TRIM55: variants seen among roughly 807,000 people sequenced by gnomAD.
The protein encoded by TRIM55 is tripartite motif-containing protein 55.
A neutral mutation model predicts 60.9 loss-of-function variants in TRIM55; 50 were observed. The ratio of observed to expected loss-of-function variants is 0.82; its 90% confidence interval spans 0.65 to 1.04. TRIM55 has a LOEUF of 1.04. Ranked by LOEUF, TRIM55 falls within the 50% of genes least tolerant of loss-of-function variation. The pLI is 0.00. For missense variants in TRIM55, 681 were observed against 666.9 expected (o/e 1.02, Z -0.23); for synonymous variants, 237 against 238.1 (o/e 1.00, Z 0.04).
At chr8:66,165,768 G>A (rs1169784003) in intron 9 of TRIM55, among the ~76,000 whole-genome samples, 3 of 152,100 alleles carry the variant, frequency 2.0e-5, no homozygotes, top group Non-Finnish European at 4.4e-5. Context: ...ATATTGTCCG[G>A]GGCCTAATAA....
chr8:66,140,453 A>T (rs1054640178), intron 4 of TRIM55, among the ~76,000 whole-genome samples: 11 of 152,258 alleles, frequency 7.2e-5, no homozygotes, highest in African/African-American at 2.7e-4. Flanking sequence ...TAGGTGGCTC[A>T]TCTGGAGATG....
rs1236836221 is a variant in TRIM55, at chr8:66,150,247, CTTTTTATT to C, written c.860+11_860+18del. On this transcript the variant is annotated intron_variant, in intron 6 of 9. Coordinates refer to ENST00000315962, the MANE Select transcript of TRIM55 (RefSeq NM_184085.2). ...CAAAACCCTGCTAAAAAAGTAAGAA[CTTTTTATT>C]TTATGTAAAAATGCATATTTTCACC... The C allele has an allele frequency of 1.9e-6, 3 of 1,612,796 alleles. No individual in the cohort carries two copies. The African/African-American group carries it at 4.0e-5, about 22-fold the overall frequency.
intron 4 of TRIM55, among the ~76,000 whole-genome samples, chr8:66,147,060 A>C (rs1382744158): frequency 1.3e-5 from 2 of 152,220 alleles, no homozygotes; most frequent in Non-Finnish European, 2.9e-5. Flanking sequence ...AGATTCCATA[A>C]ATGCTTCTAA....
intron 9 of TRIM55, among the ~76,000 whole-genome samples, chr8:66,171,072 C>A (rs1228854404): frequency 6.6e-6 from 1 of 152,156 alleles, no homozygotes; most frequent in East Asian, 1.9e-4. Flanking sequence ...ACAAAATCAC[C>A]TAAGGATGCA....
the TRIM55 span, chr8:66,115,068 A>G: frequency 6.5e-6 from 1 of 153,782 alleles, no homozygotes; most frequent in Non-Finnish European, 1.4e-5. Context: ...CCCTATCCTA[A>G]TTTTCTAGAA....
At chr8:66,164,846 C>T (rs1444301066) in intron 9 of TRIM55, among the ~76,000 whole-genome samples, 2 of 151,080 alleles carry the variant, frequency 1.3e-5, no homozygotes, top group Admixed American at 6.6e-5. Context: ...AAAGGTGATC[C>T]CAGAGGAAAA....
At chr8:66,148,786 C>T (rs149615291) in intron 4 of TRIM55, among the ~76,000 whole-genome samples, 15 of 152,276 alleles carry the variant, frequency 9.9e-5, no homozygotes, top group African/African-American at 3.4e-4. Flanking sequence ...CGGTGGCTCA[C>T]GCCTGTAATC....
chr8:66,150,167 T>C, intron 5 of TRIM55, 50 bp from the exon 6 acceptor site: 1 of 1,594,262 alleles, frequency 6.3e-7, no homozygotes, highest in Non-Finnish European at 8.6e-7. Flanking sequence ...CTTACCACTG[T>C]CTTTTGTGGA....
intron 9 of TRIM55, among the ~76,000 whole-genome samples, chr8:66,163,488 T>C (rs905734554): frequency 6.6e-6 from 1 of 152,192 alleles, no homozygotes; most frequent in Non-Finnish European, 1.5e-5. Flanking sequence ...TTATTTAATT[T>C]AAAACATTTT....
intron 4 of TRIM55, among the ~76,000 whole-genome samples, chr8:66,142,059 G>T (rs937016367): frequency 6.6e-6 from 1 of 152,160 alleles, no homozygotes; most frequent in Admixed American, 6.5e-5. Context: ...CTGTCTCTCG[G>T]CTTCCTCAGC....
rs932305342 is a variant in TRIM55, at chr8:66,127,359, G to A, written c.91G>A (p.Glu31Lys). Residue 31 changes from glutamate (E) to lysine (K), a missense_variant, in exon 1 of 10, where the codon GAG (glutamate) becomes AAG (lysine). Glu to Lys is a moderately conservative substitution (Grantham distance 56, BLOSUM62 1). Coordinates refer to ENST00000315962, the MANE Select transcript of TRIM55 (RefSeq NM_184085.2). ...EKQLICPICL[E>K]MFTKPVVILP... ...GCAACTCATCTGTCCCATCTGCTTAGAGATGTTCACGAAACCTGTGGTGAT... is the reference window on the plus strand; with the variant it reads ...GCAACTCATCTGTCCCATCTGCTTAAAGATGTTCACGAAACCTGTGGTGAT... The A allele has an allele frequency of 6.2e-7, 1 of 1,614,076 alleles. No homozygotes were observed. The highest frequency in any genetic ancestry group is 2.2e-5 in the East Asian group (1 of 44,892).
At chr8:66,135,356 G>A (rs1468143224) in intron 3 of TRIM55, among the ~76,000 whole-genome samples, 1 of 152,220 alleles carries the variant, frequency 6.6e-6, no homozygotes, top group Admixed American at 6.5e-5. Context: ...TTCCCTGGAC[G>A]GTGGGGGACC....
chr8:66,174,355 T>G, intron 9 of TRIM55, 116 bp from the exon 10 acceptor site: 2 of 763,738 alleles, frequency 2.6e-6, no homozygotes, highest in South Asian at 4.9e-5. Flanking sequence ...ATAATATTGT[T>G]ATTATAATAA....
At chr8:66,117,655 A>G in the TRIM55 span, among the ~76,000 whole-genome samples, 1 of 149,650 alleles carries the variant, frequency 6.7e-6, no homozygotes, top group Admixed American at 6.6e-5. Context: ...ACTTGTGAGA[A>G]GTGGATTGCA....
the TRIM55 span, among the ~76,000 whole-genome samples, chr8:66,114,091 C>CCA: frequency 3.6e-5 from 5 of 137,756 alleles, 2 homozygotes; most frequent in East Asian, 1.3e-3. Context: ...CACCCCCCCC[C>CCA]CCATTATTTT....
In TRIM55 at chr8:66,127,133, C is replaced by A; in HGVS notation, c.-136C>A. 2.1e-6 allele frequency: 2 copies of A among 965,264 alleles called. No individual in the cohort carries two copies. Among genetic ancestry groups the A allele is most frequent in the Non-Finnish European group, 3.0e-6 (2 of 670,550 alleles). The allele number at this position is 965,264 out of a possible 1,614,324, so 59.8% of individuals were successfully genotyped here. A position where few individuals can be genotyped will look rare whatever the true frequency, so the allele number is the denominator to read the frequency against. ...CTCCAGCACCCACTCCAAACCAGGGCCTGAAACAATGTCCTCCACCGAGAG... is the reference window on the plus strand; with the variant it reads ...CTCCAGCACCCACTCCAAACCAGGGACTGAAACAATGTCCTCCACCGAGAG... On this transcript the variant is annotated 5_prime_UTR_variant, in exon 1 of 10. Coordinates refer to ENST00000315962, the MANE Select transcript of TRIM55 (RefSeq NM_184085.2).
intron 9 of TRIM55, among the ~76,000 whole-genome samples, chr8:66,167,757 T>C (rs969029860): frequency 1.3e-5 from 2 of 152,264 alleles, no homozygotes; most frequent in East Asian, 1.9e-4. Flanking sequence ...AAAATGCTTT[T>C]CTTTTTTTTT....
intron 4 of TRIM55, 119 bp from the exon 5 acceptor site, chr8:66,149,526 G>T: frequency 1.2e-6 from 1 of 805,534 alleles, no homozygotes; most frequent in Non-Finnish European, 2.0e-6. Flanking sequence ...GACATCTTCA[G>T]GGAAAAGAAA....
upstream of TRIM55, among the ~76,000 whole-genome samples, chr8:66,125,081 A>G: frequency 6.6e-6 from 1 of 152,240 alleles, no homozygotes; most frequent in Admixed American, 6.5e-5. Flanking sequence ...TTTGCCTCTT[A>G]TCTACCCACA....
Sources: allele counts gnomAD v4.1 joint callset (sites outside exome capture counted in the v4.1 genomes callset), GRCh38; gene constraint gnomAD v4.1.1; transcripts MANE v1.5; gene names NCBI Gene and HGNC (gene_info 2026-07-23, HGNC 2026-07-21).